Variants in GPR35 observed in about 807,000 individuals in gnomAD.
GPR35 encodes G protein-coupled receptor 35.
For synonymous variants in GPR35, 207 were observed against 198.4 expected, an observed-to-expected ratio of 1.04 and a Z score of -0.36; for missense variants, 372 against 422.5, an observed-to-expected ratio of 0.88 and a Z score of 1.05.
intron 2 of GPR35, among the ~76,000 whole-genome samples, chr2:240,614,978 ATGTG>A (rs1007087524): frequency 6.6e-6 from 1 of 151,678 alleles, no homozygotes; most frequent in African/African-American, 2.4e-5. Flanking sequence ...ATATGTATCT[ATGTG>A]TGTTTATATG....
rs376984747 is a variant in GPR35, at chr2:240,630,005, C to T, written c.53C>T (p.Ala18Val). 3 of 1,611,696 alleles carry T rather than the reference C, an allele frequency of 1.9e-6. No individual in the cohort carries two copies. Among genetic ancestry groups the T allele is most frequent in the Admixed American group, 3.3e-5 (2 of 59,974 alleles). Reference protein sequence around the residue: ...CGSSDLTWPPAIKLGFYAYLG... With the variant: ...CGSSDLTWPPVIKLGFYAYLG... The stretch of plus-strand genomic sequence containing the variant: ...TCCAGCGACCTCACCTGGCCCCCAG[C>T]GATCAAGCTGGGCTTCTACGCCTAC... Residue 18 changes from alanine to valine, a missense_variant, in exon 2 of 2, where the codon GCG becomes GTG. By Grantham distance (64) the Ala-to-Val change is moderately conservative. Coordinates refer to ENST00000407714, the MANE Select transcript of GPR35 (RefSeq NM_005301.5).
chr2:240,615,139 A>C (rs2043226698), intron 2 of GPR35, among the ~76,000 whole-genome samples: 1 of 152,040 alleles, frequency 6.6e-6, no homozygotes, highest in Non-Finnish European at 1.5e-5. Context: ...GTGTGTACAC[A>C]TACACGTGGA....
rs545192576 is a variant in GPR35 at position 240,618,692 on chromosome 2, T to C, written c.-148-196T>C. Among the ~76,000 whole-genome samples the C allele has an allele frequency of 1.4e-4, 21 of 152,342 alleles. 1 individual carries two copies. In the South Asian group the frequency reaches 3.7e-3, roughly 27 times the overall value. ...TATCCCCATCCCATTTCCACCTGTTTCCTACAGGTAACAGTTTAATTTAAA... is the reference window on the plus strand; with the variant it reads ...TATCCCCATCCCATTTCCACCTGTTCCCTACAGGTAACAGTTTAATTTAAA... On this transcript the variant is annotated intron_variant, in intron 4 of 5. Transcript: ENST00000319838.
intron 2 of GPR35, among the ~76,000 whole-genome samples, chr2:240,614,450 C>T (rs2043220005): frequency 6.6e-6 from 1 of 152,244 alleles, no homozygotes. Flanking sequence ...TTCAGACTTC[C>T]CAGGGACTTG....
At position 240,631,113 on chromosome 2, in the gene GPR35, A is replaced by G; in HGVS notation, c.*231A>G. Reference sequence around the variant, plus strand: ...GGCCAGAGCAAGGCCAATGTCAGAGACCCCCGGGATGGGGCCTCACACTTG... The same window carrying G: ...GGCCAGAGCAAGGCCAATGTCAGAGGCCCCCGGGATGGGGCCTCACACTTG... On this transcript the variant is annotated 3_prime_UTR_variant, in exon 2 of 2. Transcript: ENST00000407714. 1 of 553,070 alleles carries G rather than the reference A, an allele frequency of 1.8e-6. No homozygotes were observed. The highest frequency in any genetic ancestry group is 3.3e-6 in the Non-Finnish European group (1 of 302,364). 34.3% of individuals were successfully genotyped at this position (553,070 alleles called of 1,614,324 possible).
chr2:240,608,941 T>C (rs1212610276), intron 2 of GPR35, among the ~76,000 whole-genome samples: 1 of 152,220 alleles, frequency 6.6e-6, no homozygotes. Flanking sequence ...ATTTTTCTTG[T>C]GTAAATTTTG....
At position 240,630,116 on chromosome 2, in the gene GPR35, C is replaced by G; in HGVS notation, c.164C>G (p.Thr55Ser). The change falls in exon 2 of 2, where the codon ACC becomes AGC. Residue 55 changes from threonine to serine, a missense_variant. By Grantham distance (58) the Thr-to-Ser change is moderately conservative. Transcript: ENST00000407714. ...FCCRMQQWTE[T>S]RIYMTNLAVA... ...TGCCGCATGCAGCAGTGGACGGAGA[C>G]CCGCATCTACATGACCAACCTGGCG... 1 of 1,606,868 alleles carries G rather than the reference C, an allele frequency of 6.2e-7. No individual in the cohort carries two copies. The highest frequency in any genetic ancestry group is 1.3e-5 in the African/African-American group (1 of 75,042).
chr2:240,609,582 C>A (rs1213281321), intron 2 of GPR35, among the ~76,000 whole-genome samples: 1 of 152,190 alleles, frequency 6.6e-6, no homozygotes, highest in Non-Finnish European at 1.5e-5. Context: ...AGAACATATT[C>A]TGTATAACTT....
chr2:240,625,420 C>G (rs921018365), upstream of GPR35: 50 of 985,350 alleles, frequency 5.1e-5, no homozygotes, highest in Non-Finnish European at 5.8e-5. Flanking sequence ...CGCCCGCCCC[C>G]CCACCTTAAG....
At chr2:240,617,105 G>A (rs1332327872) in exon 4 of GPR35, 20 of 674,940 alleles carry the variant, frequency 3.0e-5, no homozygotes, top group Non-Finnish European at 5.1e-5. Context: ...TGGGGGAGCT[G>A]GAAGTGAATC....
At chr2:240,606,787 A>G (rs947413663) in intron 2 of GPR35, among the ~76,000 whole-genome samples, 4 of 152,228 alleles carry the variant, frequency 2.6e-5, no homozygotes, top group Non-Finnish European at 5.9e-5. Context: ...AGAATATGGC[A>G]AGAGCTGAGG....
chr2:240,623,045 A>AC (rs1553614970), upstream of GPR35, among the ~76,000 whole-genome samples: 6 of 119,394 alleles, frequency 5.0e-5, no homozygotes, highest in East Asian at 4.7e-4. Context: ...GCAGCAGAGG[A>AC]CCCCAGGCGA....
chr2:240,619,964 G>A (rs576046482), intron 5 of GPR35, among the ~76,000 whole-genome samples: 2 of 152,352 alleles, frequency 1.3e-5, no homozygotes, highest in Admixed American at 6.5e-5. Context: ...CCCTAGGGAT[G>A]GGGACAGAGA....
intron 2 of GPR35, among the ~76,000 whole-genome samples, chr2:240,607,711 A>G (rs774262154): frequency 6.6e-6 from 1 of 151,870 alleles, no homozygotes; most frequent in Non-Finnish European, 1.5e-5. Context: ...TTATTAGTTC[A>G]TAGTGTTTTT....
chr2:240,624,939 G>A (rs1412279627), upstream of GPR35, among the ~76,000 whole-genome samples: 3 of 152,190 alleles, frequency 2.0e-5, no homozygotes, highest in South Asian at 2.1e-4. Flanking sequence ...GCCTGCCTGC[G>A]TGTGCCTCTC....
At chr2:240,606,555 C>T (rs1433183460) in exon 2 of GPR35, 5 of 152,286 alleles carry the variant, frequency 3.3e-5, no homozygotes, top group African/African-American at 1.2e-4. Flanking sequence ...GCCGTGACAT[C>T]CTTCACCCCT....
upstream of GPR35, among the ~76,000 whole-genome samples, chr2:240,621,935 C>T (rs568489195): frequency 1.2e-4 from 19 of 152,316 alleles, no homozygotes; most frequent in South Asian, 2.1e-4. Flanking sequence ...TGCAGTAGCA[C>T]GATCTCAGCT....
intron 2 of GPR35, among the ~76,000 whole-genome samples, chr2:240,607,899 GT>G (rs1487340744): frequency 3.5e-5 from 5 of 144,602 alleles, no homozygotes; most frequent in African/African-American, 1.3e-4. Context: ...TCTCTTTTTT[GT>G]TTTTAAATTG....
Position 240,630,249 on chromosome 2 carries a change from C to T in GPR35, c.297C>T (p.Asn99=), listed in dbSNP as rs1443453296. 1 of 1,563,786 alleles carries T rather than the reference C, an allele frequency of 6.4e-7. No individual in the cohort carries two copies. Among genetic ancestry groups the T allele is most frequent in the Non-Finnish European group, 8.6e-7 (1 of 1,157,896 alleles). ...TCTCCCAGGGCATCTACCTGACCAA[C>T]AGGTACATGAGCATCAGCCTGGTCA... The part of the protein sequence containing the change: ...CQLSQGIYLT[N]RYMSISLVTA... The change falls in exon 2 of 2, where the codon AAC becomes AAT. Residue 99 remains asparagine (N), a synonymous_variant. Coordinates refer to ENST00000407714, the MANE Select transcript of GPR35 (RefSeq NM_005301.5).
Sources: gnomAD v4.1 joint callset for allele counts (sites outside exome capture counted in the v4.1 genomes callset) on GRCh38, gnomAD v4.1.1 for gene constraint, MANE v1.5 for transcripts, NCBI Gene and HGNC (gene_info 2026-07-23, HGNC 2026-07-21) for gene names.